Variants in IGF2BP1 observed in about 807,000 individuals in gnomAD.
The protein encoded by IGF2BP1 is insulin-like growth factor 2 mRNA-binding protein 1.
In IGF2BP1, 11 loss-of-function variants were observed where a neutral mutation model predicts 74.9. The ratio of observed to expected loss-of-function variants is 0.15; its 90% confidence interval spans 0.09 to 0.24. IGF2BP1 has a LOEUF of 0.24. Among genes scored for constraint, IGF2BP1 ranks in the 10% least tolerant of loss-of-function variants. The pLI is 1.00. For missense variants in IGF2BP1, 440 were observed against 757.4 expected, an observed-to-expected ratio of 0.58 and a Z score of 4.92; for synonymous variants, 287 against 281.8, an observed-to-expected ratio of 1.02 and a Z score of -0.18.
At chr17:49,014,689 T>C (rs1367806933) in intron 2 of IGF2BP1, 3 of 786,294 alleles carry the variant, frequency 3.8e-6, no homozygotes, top group Non-Finnish European at 4.6e-6. Flanking sequence ...GAGACGCGGA[T>C]CCCTGAGGGC....
chr17:49,045,370 T>C (rs1290824535), intron 12 of IGF2BP1, among the ~76,000 whole-genome samples: 1 of 152,248 alleles, frequency 6.6e-6, no homozygotes, highest in Admixed American at 6.5e-5. Context: ...CAAATTCTCA[T>C]CTTTTATGTC....
intron 5 of IGF2BP1, among the ~76,000 whole-genome samples, chr17:49,032,261 C>T (rs1287611490): frequency 6.6e-6 from 1 of 152,066 alleles, no homozygotes; most frequent in Non-Finnish European, 1.5e-5. Flanking sequence ...GTGGGAAATC[C>T]CTTGCAGAGA....
Position 48,997,611 on chromosome 17 carries a change from A to G in IGF2BP1, c.-135A>G, listed in dbSNP as rs187924269. ...CCTTCCCCGCCCTGGGCTCGGGACAACTTCTGGGGTGGGGTGCAAAGAAAG... is the reference window on the plus strand; with the variant it reads ...CCTTCCCCGCCCTGGGCTCGGGACAGCTTCTGGGGTGGGGTGCAAAGAAAG... On this transcript the variant is annotated 5_prime_UTR_variant, in exon 1 of 15. Coordinates refer to ENST00000290341, the MANE Select transcript of IGF2BP1 (RefSeq NM_006546.4). This position sits in a 1 kb window ranked among gnomAD's most constrained non-coding sequence, Gnocchi z 4.8. The G allele has an allele frequency of 8.6e-4, 801 of 929,568 alleles. 3 individuals are homozygous for G. The African/African-American group carries it at 0.012, about 13-fold the overall frequency. The allele number at this position is 929,568 out of a possible 1,614,324, so 57.6% of individuals were successfully genotyped here. A position where few individuals can be genotyped will look rare whatever the true frequency, so the allele number is the denominator to read the frequency against.
Position 49,040,130 on chromosome 17 carries a change from A to G in IGF2BP1, c.818+39A>G, listed in dbSNP as rs2042034299. 2.5e-6 allele frequency: 4 copies of G among 1,608,778 alleles called. No individual in the cohort carries two copies. The East Asian group carries it at 6.7e-5, about 27-fold the overall frequency. On this transcript the variant is annotated intron_variant, in intron 7 of 14. Coordinates refer to ENST00000290341, the MANE Select transcript of IGF2BP1 (RefSeq NM_006546.4). The stretch of plus-strand genomic sequence containing the variant: ...TTTTCTTGGATCTTCAGGGTCTGCT[A>G]GTCCAGTTGAGCCTCCCCAACTCAA...
In IGF2BP1 at chr17:49,050,933, G is replaced by A. The variant is rs1291287533; in HGVS notation, c.*1489G>A. On this transcript the variant is annotated 3_prime_UTR_variant, in exon 15 of 15. Transcript: ENST00000290341. ...TAGCTACCCTGGACAATGCTATCAA[G>A]TGTGCTGGGAAGGGAGGAAGGCCTC... 2 of 152,624 alleles carry A rather than the reference G, an allele frequency of 1.3e-5. No individual in the cohort carries two copies. The highest frequency in any genetic ancestry group is 2.9e-5 in the Non-Finnish European group (2 of 68,052). The allele number at this position is 152,624 out of a possible 1,614,324, so 9.5% of individuals were successfully genotyped here.
rs371605973 is a variant in IGF2BP1, at chr17:48,999,923, GGTGTGTGT to G, written c.236+787_236+794del. 3.2e-3 allele frequency among the ~76,000 whole-genome samples: 424 copies of G among 134,104 alleles called. 1 individual carries two copies. The highest frequency in any genetic ancestry group is 6.2e-3 in the Admixed American group (81 of 13,166). 88.0% of individuals were successfully genotyped at this position (134,104 alleles called of 152,430 possible). A position where few individuals can be genotyped will look rare whatever the true frequency, so the allele number is the denominator to read the frequency against. On this transcript the variant is annotated intron_variant, in intron 2 of 14. Transcript: ENST00000290341. ...AGGGTCTAGAACTCCGTGGATGAAT[GGTGTGTGT>G]GTGTGTGTGTGTGTGTGTGTGTGTG...
chr17:49,011,023 G>C (rs931439300), intron 2 of IGF2BP1, among the ~76,000 whole-genome samples: 1 of 151,124 alleles, frequency 6.6e-6, no homozygotes, highest in African/African-American at 2.4e-5. Flanking sequence ...TGTAATCCCA[G>C]CTTCTCGGGG....
At chr17:48,996,949 A>C (rs936104111), upstream of IGF2BP1, among the ~76,000 whole-genome samples, 2 of 152,008 alleles carry the variant, frequency 1.3e-5, no homozygotes, top group Non-Finnish European at 2.9e-5. Flanking sequence ...TGAAGACCCC[A>C]GAGTCTTCGG....
rs2144192068 is a variant in IGF2BP1, at chr17:49,055,695, C to G, written c.*6251C>G. Reference sequence around the variant, plus strand: ...AGGATCTTGATCCTGGTCCCCAAAACCAGAGTGAATCAAAAGAGCTTCCTC... The same window carrying G: ...AGGATCTTGATCCTGGTCCCCAAAAGCAGAGTGAATCAAAAGAGCTTCCTC... On this transcript the variant is annotated 3_prime_UTR_variant, in exon 15 of 15. Transcript: ENST00000290341. 3 of 398,520 alleles carry G rather than the reference C, an allele frequency of 7.5e-6. No individual in the cohort carries two copies. Among genetic ancestry groups the G allele is most frequent in the East Asian group, 7.1e-5 (2 of 28,080 alleles). 24.7% of individuals were successfully genotyped at this position (398,520 alleles called of 1,614,324 possible).
At chr17:49,046,706 C>A (rs946640908) in intron 14 of IGF2BP1, among the ~76,000 whole-genome samples, 1 of 151,154 alleles carries the variant, frequency 6.6e-6, no homozygotes, top group Non-Finnish European at 1.5e-5. Context: ...CTCCCTAACC[C>A]CTTTCTGCAC....
Position 49,055,452 on chromosome 17 carries a change from T to TA in IGF2BP1, c.*6010dup. On this transcript the variant is annotated 3_prime_UTR_variant, in exon 15 of 15. Coordinates refer to ENST00000290341, the MANE Select transcript of IGF2BP1 (RefSeq NM_006546.4). ...ACCCCTGTCCCCCCTCCCCTGCCAA[T>TA]AAGCTCCCCCAGGAATAAAGGCTTT... 1 of 343,496 alleles carries TA rather than the reference T, an allele frequency of 2.9e-6. No homozygotes were observed. The highest frequency in any genetic ancestry group is 5.2e-6 in the Non-Finnish European group (1 of 191,452). The allele number at this position is 343,496 out of a possible 1,614,324, so 21.3% of individuals were successfully genotyped here. A position where few individuals can be genotyped will look rare whatever the true frequency, so the allele number is the denominator to read the frequency against.
intron 4 of IGF2BP1, among the ~76,000 whole-genome samples, chr17:49,029,176 C>CT (rs2041893001): frequency 6.6e-6 from 1 of 152,130 alleles, no homozygotes; most frequent in Admixed American, 6.5e-5. Flanking sequence ...ATTTATTATG[C>CT]TTATTGTTAT....
At chr17:49,009,720 A>T (rs1466773389) in intron 2 of IGF2BP1, among the ~76,000 whole-genome samples, 5 of 151,320 alleles carry the variant, frequency 3.3e-5, no homozygotes, top group African/African-American at 9.7e-5. Flanking sequence ...AAAAAAAAAA[A>T]TTTAATCGTA....
chr17:49,003,487 T>G (rs2041508956), intron 2 of IGF2BP1, among the ~76,000 whole-genome samples: 1 of 152,136 alleles, frequency 6.6e-6, no homozygotes, highest in African/African-American at 2.4e-5. Context: ...AGTGGTTAGA[T>G]CTGTTGATTT....
intron 12 of IGF2BP1, 21 bp from the exon 13 acceptor site, chr17:49,045,869 A>G: frequency 6.2e-7 from 1 of 1,611,246 alleles, no homozygotes; most frequent in Admixed American, 1.7e-5. Flanking sequence ...CCACTGATTA[A>G]CAATTACCTC....
chr17:49,032,341 A>C (rs1231139631), intron 5 of IGF2BP1, among the ~76,000 whole-genome samples: 3 of 151,992 alleles, frequency 2.0e-5, no homozygotes, highest in Non-Finnish European at 4.4e-5. Context: ...TCATGGCGCC[A>C]TCTAGTGATA....
Position 49,051,742 on chromosome 17 carries a change from A to G in IGF2BP1, c.*2298A>G, listed in dbSNP as rs2042169046. On this transcript the variant is annotated 3_prime_UTR_variant, in exon 15 of 15. Transcript: ENST00000290341. ...AACCTATATTTCTCTGTCTAAAAAT[A>G]TGGGAGCTGAGATTCCGTTCGTGGA... 6.6e-6 allele frequency: 1 copy of G among 152,172 alleles called. No individual in the cohort carries two copies. The highest frequency in any genetic ancestry group is 1.5e-5 in the Non-Finnish European group (1 of 68,022). The allele number at this position is 152,172 out of a possible 1,614,324, so 9.4% of individuals were successfully genotyped here.
At chr17:49,032,526 C>T (rs1240118766) in intron 5 of IGF2BP1, among the ~76,000 whole-genome samples, 1 of 152,222 alleles carries the variant, frequency 6.6e-6, no homozygotes, top group Non-Finnish European at 1.5e-5. Context: ...GTCTCACTCA[C>T]TGTTACAGAC....
rs2042105256 is a variant in IGF2BP1 at position 49,046,122 on chromosome 17, G to A, written c.1527+101G>A. 6.7e-6 allele frequency: 10 copies of A among 1,499,034 alleles called. No individual in the cohort carries two copies. In the South Asian group the frequency reaches 1.2e-4, roughly 18 times the overall value. The allele number at this position is 1,499,034 out of a possible 1,614,324, so 92.9% of individuals were successfully genotyped here. On this transcript the variant is annotated intron_variant, in intron 13 of 14. Coordinates refer to ENST00000290341, the MANE Select transcript of IGF2BP1 (RefSeq NM_006546.4). ...TGCTCAACCTCAGGACTCCTGATTT[G>A]CTCATTTACTTGATTCTACTCCCCA... is the stretch of plus-strand genomic sequence containing the variant.
Sources: gnomAD v4.1 joint callset for allele counts (sites outside exome capture counted in the v4.1 genomes callset) on GRCh38, gnomAD v4.1.1 for gene constraint, Gnocchi (gnomAD v3.1) non-coding constraint, MANE v1.5 for transcripts, NCBI Gene and HGNC (gene_info 2026-07-23, HGNC 2026-07-21) for gene names.